NCOA7: variants seen among roughly 807,000 people sequenced by gnomAD.
NCOA7 encodes 140 kDa estrogen receptor-associated protein.
NCOA7 carries 45 observed loss-of-function variants against 104.3 expected under a neutral mutation model. The observed-to-expected ratio is 0.43, with a 90% CI of 0.34 to 0.55. NCOA7 has a LOEUF of 0.55. Among genes scored for constraint, NCOA7 ranks in the 20% least tolerant of loss-of-function variants. NCOA7 has a pLI of 0.02. For synonymous variants in NCOA7, 398 were observed against 402.3 expected (o/e 0.99, Z 0.13); for missense variants, 1,041 against 1,119.7 (o/e 0.93, Z 1.00).
chr6:125,924,311 C>G (rs990117715), intron 13 of NCOA7, among the ~76,000 whole-genome samples: 1 of 152,144 alleles, frequency 6.6e-6, no homozygotes, highest in Non-Finnish European at 1.5e-5. Flanking sequence ...ACTTCCTGTG[C>G]GATTTGTAAA....
intron 2 of NCOA7, among the ~76,000 whole-genome samples, chr6:125,853,274 AC>A (rs1470329332): frequency 1.3e-5 from 2 of 152,108 alleles, no homozygotes; most frequent in Admixed American, 6.5e-5. Context: ...CTGAGACTTT[AC>A]TGAATTTATC....
At position 125,838,595 on chromosome 6, in the gene NCOA7, A is replaced by C. The variant is rs114734262; in HGVS notation, c.51-16425A>C. On this transcript the variant is annotated intron_variant, in intron 2 of 15. Transcript: ENST00000392477. ...GGAGTGAAATGCTTTTATTTCCTTCACTAGAGGTGTTCTCTGGTTCTCCAA... is the reference window on the plus strand; with the variant it reads ...GGAGTGAAATGCTTTTATTTCCTTCCCTAGAGGTGTTCTCTGGTTCTCCAA... Among the ~76,000 whole-genome samples the C allele has an allele frequency of 2.8e-3, 425 of 152,236 alleles. 4 individuals carry two copies. The highest frequency in any genetic ancestry group is 9.4e-3 in the African/African-American group (391 of 41,546).
intron 8 of NCOA7, among the ~76,000 whole-genome samples, chr6:125,888,404 A>G (rs1450010042): frequency 1.3e-5 from 2 of 152,210 alleles, no homozygotes; most frequent in Non-Finnish European, 2.9e-5. Context: ...ATCCTAAGCC[A>G]TGAAACCCAG....
chr6:125,850,289 GAAAC>G (rs1781005665), intron 2 of NCOA7, among the ~76,000 whole-genome samples: 1 of 152,228 alleles, frequency 6.6e-6, no homozygotes, highest in South Asian at 2.1e-4. Flanking sequence ...AATCTCCAGA[GAAAC>G]AAAGTCTCAT....
chr6:125,803,648 A>T (rs74734612), intron 1 of NCOA7, among the ~76,000 whole-genome samples: 2 of 152,252 alleles, frequency 1.3e-5, no homozygotes, highest in Non-Finnish European at 2.9e-5. Flanking sequence ...TCAATTGCAG[A>T]TCTCATCCAC....
intron 3 of NCOA7, among the ~76,000 whole-genome samples, chr6:125,857,717 C>T (rs1006831712): frequency 1.4e-4 from 22 of 152,118 alleles, no homozygotes; most frequent in Admixed American, 5.2e-4. Context: ...CACACCATCA[C>T]GCCCGGCTAA....
At chr6:125,913,115 G>T (rs1281935566) in intron 10 of NCOA7, among the ~76,000 whole-genome samples, 3 of 152,016 alleles carry the variant, frequency 2.0e-5, no homozygotes, top group Non-Finnish European at 4.4e-5. Context: ...GTAGTTTATT[G>T]TATAACATTA....
intron 1 of NCOA7, among the ~76,000 whole-genome samples, chr6:125,781,898 C>T (rs759649173): frequency 3.9e-5 from 6 of 152,190 alleles, no homozygotes; most frequent in Non-Finnish European, 8.8e-5. Context: ...GTCAAAGCAA[C>T]AGAAAGTTGC....
chr6:125,894,644 C>G (rs758933675), intron 10 of NCOA7, among the ~76,000 whole-genome samples: 3 of 152,144 alleles, frequency 2.0e-5, no homozygotes, highest in Non-Finnish European at 4.4e-5. Context: ...GGCAGAAAAG[C>G]TAAAGCAGTC....
intron 1 of NCOA7, among the ~76,000 whole-genome samples, chr6:125,797,137 A>G (rs761731226): frequency 1.3e-5 from 2 of 152,164 alleles, no homozygotes; most frequent in Non-Finnish European, 2.9e-5. Flanking sequence ...GCCTCCAAAT[A>G]GGGTGTCACT....
At position 125,855,248 on chromosome 6, in the gene NCOA7, T is replaced by C; in HGVS notation, c.271+8T>C. The C allele has an allele frequency of 6.3e-7, 1 of 1,581,578 alleles. No individual in the cohort carries two copies. Among genetic ancestry groups the C allele is most frequent in the Non-Finnish European group, 8.7e-7 (1 of 1,155,446 alleles). ...AGAGATATTATAGTATTGGTGAGTATTCATGGCGTTACTGCAGTATTTTCA... is the reference window on the plus strand; with the variant it reads ...AGAGATATTATAGTATTGGTGAGTACTCATGGCGTTACTGCAGTATTTTCA... On this transcript the variant is annotated splice_region_variant and intron_variant, in intron 3 of 15. Transcript: ENST00000392477.
intron 11 of NCOA7, chr6:125,919,346 C>G (rs190242917): frequency 2.4e-5 from 39 of 1,612,738 alleles, no homozygotes; most frequent in Non-Finnish European, 3.1e-5. Flanking sequence ...CCACACTTCT[C>G]ACTGCTCACA....
intron 10 of NCOA7, among the ~76,000 whole-genome samples, chr6:125,899,316 G>T (rs1432856059): frequency 6.6e-6 from 1 of 152,154 alleles, no homozygotes; most frequent in African/African-American, 2.4e-5. Context: ...AGTTAATGTG[G>T]AATTTTCTGA....
At chr6:125,827,289 C>G (rs1778754686) in intron 2 of NCOA7, among the ~76,000 whole-genome samples, 1 of 151,816 alleles carries the variant, frequency 6.6e-6, no homozygotes, top group Admixed American at 6.6e-5. Context: ...CCAGCATGCT[C>G]CCACAATAAT....
In NCOA7 at chr6:125,795,422, TC is replaced by T. The variant is rs151089851; in HGVS notation, c.-65+4359del. Among the ~76,000 whole-genome samples, 211 of 152,276 alleles carry T rather than the reference TC, an allele frequency of 1.4e-3. No homozygotes were observed. In the East Asian group the frequency reaches 0.028, roughly 20 times the overall value. The stretch of plus-strand genomic sequence containing the variant: ...TGAAAGTACTCCCTCTCATCCTCAT[TC>T]CCCTGTCACCCATTTCACTAATCCA... On this transcript the variant is annotated intron_variant, in intron 1 of 15. Coordinates refer to ENST00000392477, the MANE Select transcript of NCOA7 (RefSeq NM_181782.5).
chr6:125,806,689 A>C (rs1326965940), intron 1 of NCOA7, among the ~76,000 whole-genome samples: 1 of 152,144 alleles, frequency 6.6e-6, no homozygotes, highest in Admixed American at 6.5e-5. Context: ...GCAGTCCAAG[A>C]AAATGAAGAA....
chr6:125,855,047 A>C lies in NCOA7; in HGVS notation c.78A>C (p.Gln26His), dbSNP rs766460991. The C allele has an allele frequency of 8.1e-5, 130 of 1,608,336 alleles. 1 individual carries two copies. In the South Asian group the frequency reaches 1.4e-3, roughly 17 times the overall value. ...TGAAAAAGAAAAAACAAGCCAAACA[A>C]AATGCAGAGACAGCCTCAGCTGTAG... is the stretch of plus-strand genomic sequence containing the variant. Reference protein sequence around the residue: ...ARLKKKKQAKQNAETASAVAT... With the variant: ...ARLKKKKQAKHNAETASAVAT... The change falls in exon 3 of 16, where the codon CAA becomes CAC. Residue 26 changes from glutamine (Q) to histidine (H), a missense_variant. This residue lies in a region of NCOA7 where 914 missense variants were observed against 942.7 expected (regional missense o/e 0.97). Coordinates refer to ENST00000392477, the MANE Select transcript of NCOA7 (RefSeq NM_181782.5).
chr6:125,883,999 C>T (rs1372077103), intron 7 of NCOA7, among the ~76,000 whole-genome samples: 2 of 152,262 alleles, frequency 1.3e-5, no homozygotes, highest in East Asian at 3.9e-4. Context: ...GATTACAGGC[C>T]AGAACCACCA....
chr6:125,824,737 G>GTCTCC (rs1434995820), intron 2 of NCOA7, among the ~76,000 whole-genome samples: 1 of 152,052 alleles, frequency 6.6e-6, no homozygotes, highest in African/African-American at 2.4e-5. Flanking sequence ...GATTTAAACT[G>GTCTCC]TCTCCTCTCC....
Sources: allele counts gnomAD v4.1 joint callset (sites outside exome capture counted in the v4.1 genomes callset), GRCh38; gene constraint gnomAD v4.1.1; regional missense constraint gnomAD v4.1.1; transcripts MANE v1.5; gene names NCBI Gene and HGNC (gene_info 2026-07-23, HGNC 2026-07-21).